EYA1: variants seen among roughly 807,000 people sequenced by gnomAD.
EYA1 encodes EYA transcriptional coactivator and phosphatase 1, also known as protein phosphatase EYA1.
A neutral mutation model predicts 82.0 loss-of-function variants in EYA1; 16 were observed. The ratio of observed to expected loss-of-function variants is 0.20; its 90% CI spans 0.13 to 0.30. The LOEUF is 0.30. Among genes scored for constraint, EYA1 ranks in the 10% least tolerant of loss-of-function variants. The pLI is 1.00. For synonymous variants in EYA1, 261 were observed against 264.4 expected, an observed-to-expected ratio of 0.99 and a Z score of 0.12; for missense variants, 633 against 730.7, an observed-to-expected ratio of 0.87 and a Z score of 1.54.
chr8:71,413,007 G>A (rs1320633910), intron 2 of EYA1, among the ~76,000 whole-genome samples: 1 of 152,176 alleles, frequency 6.6e-6, no homozygotes, highest in African/African-American at 2.4e-5. Context: ...AAGCGGCAGA[G>A]TCAGGCTGAG....
At chr8:71,474,533 C>T (rs1809497898) in intron 2 of EYA1, among the ~76,000 whole-genome samples, 1 of 152,168 alleles carries the variant, frequency 6.6e-6, no homozygotes, top group Admixed American at 6.5e-5. Context: ...TCACAGAATA[C>T]ACACTCTCAA....
At chr8:71,235,436 A>G (rs1811708053) in intron 12 of EYA1, among the ~76,000 whole-genome samples, 1 of 152,078 alleles carries the variant, frequency 6.6e-6, no homozygotes, top group Non-Finnish European at 1.5e-5. Context: ...ACTTCCTACC[A>G]TATCCTTGCA....
At chr8:71,453,821 GA>G (rs1382360108) in intron 2 of EYA1, among the ~76,000 whole-genome samples, 1 of 152,012 alleles carries the variant, frequency 6.6e-6, no homozygotes, top group African/African-American at 2.4e-5. Flanking sequence ...AAAATATGCC[GA>G]ATTGTAAAGA....
At chr8:71,536,131 T>G (rs1814692863) in intron 1 of EYA1, among the ~76,000 whole-genome samples, 1 of 152,206 alleles carries the variant, frequency 6.6e-6, no homozygotes, top group Non-Finnish European at 1.5e-5. Context: ...CTAAAGATCC[T>G]TCCGCACACA....
At chr8:71,335,082 T>G (rs1586426996) in intron 3 of EYA1, among the ~76,000 whole-genome samples, 1 of 152,222 alleles carries the variant, frequency 6.6e-6, no homozygotes, top group Admixed American at 6.5e-5. Context: ...TGAAGTGCCA[T>G]CATCAGAATT....
At chr8:71,316,353 A>T (rs1271555563) in intron 7 of EYA1, among the ~76,000 whole-genome samples, 1 of 152,166 alleles carries the variant, frequency 6.6e-6, no homozygotes, top group Non-Finnish European at 1.5e-5. Context: ...AATAGTAGGG[A>T]ACTAGGTAAA....
At chr8:71,234,754 G>A (rs562445744) in intron 12 of EYA1, among the ~76,000 whole-genome samples, 99 of 151,826 alleles carry the variant, frequency 6.5e-4, no homozygotes, top group African/African-American at 4.4e-4. Flanking sequence ...GTTTTATGGC[G>A]TCGGGACTCC....
In EYA1 at chr8:71,361,758, T is replaced by C. The variant is rs1055591248; in HGVS notation, c.-166A>G. The C allele has an allele frequency of 4.5e-5, 44 of 985,372 alleles. No individual in the cohort carries two copies. Among genetic ancestry groups the C allele is most frequent in the Admixed American group, 6.1e-5 (1 of 16,270 alleles). The allele number at this position is 985,372 out of a possible 1,614,324, so 61.0% of individuals were successfully genotyped here. ...CTCCTGGATGGGTACGCGCGGGGGC[T>C]CTCAGGCGCTCTGGTGCAGCCGCGG... is the stretch of plus-strand genomic sequence containing the variant. On this transcript the variant is annotated 5_prime_UTR_variant, in exon 1 of 18. Transcript: ENST00000340726.
chr8:71,276,418 C>T (rs1408162706), intron 9 of EYA1, among the ~76,000 whole-genome samples: 1 of 152,178 alleles, frequency 6.6e-6, no homozygotes, highest in African/African-American at 2.4e-5. Flanking sequence ...GAGTATCCCA[C>T]TATTTCTAGA....
At chr8:71,511,611 A>G (rs1400051438) in intron 2 of EYA1, among the ~76,000 whole-genome samples, 1 of 152,176 alleles carries the variant, frequency 6.6e-6, no homozygotes, top group African/African-American at 2.4e-5. Context: ...GTGCCACAAC[A>G]CAAAGATAAC....
At chr8:71,525,428 T>C (rs1051531289) in intron 2 of EYA1, among the ~76,000 whole-genome samples, 1 of 152,216 alleles carries the variant, frequency 6.6e-6, no homozygotes, top group Non-Finnish European at 1.5e-5. Context: ...ATTGATCTAA[T>C]TGAATCTAGT....
chr8:71,200,784 T>G (rs1806889772), intron 17 of EYA1, among the ~76,000 whole-genome samples: 1 of 151,776 alleles, frequency 6.6e-6, no homozygotes, highest in Non-Finnish European at 1.5e-5. Context: ...CAGTGTTCAT[T>G]TATATCTTGT....
intron 2 of EYA1, among the ~76,000 whole-genome samples, chr8:71,489,743 C>T (rs550097357): frequency 1.3e-5 from 2 of 152,322 alleles, no homozygotes; most frequent in Admixed American, 6.5e-5. Flanking sequence ...AAAACTTGCA[C>T]ATGATTTGGA....
At chr8:71,433,165 G>T (rs1805750385) in intron 2 of EYA1, among the ~76,000 whole-genome samples, 2 of 152,238 alleles carry the variant, frequency 1.3e-5, no homozygotes, top group Middle Eastern at 6.8e-3. Flanking sequence ...CTGGAAGTAT[G>T]AAAGGTATAT....
chr8:71,373,321 A>G (rs1828188623), intron 2 of EYA1, among the ~76,000 whole-genome samples: 1 of 152,156 alleles, frequency 6.6e-6, no homozygotes, highest in Non-Finnish European at 1.5e-5. Flanking sequence ...TGTAAATATC[A>G]GCTGCATTTT....
At chr8:71,398,067 C>T (rs184536062) in intron 2 of EYA1, among the ~76,000 whole-genome samples, 3 of 152,246 alleles carry the variant, frequency 2.0e-5, no homozygotes, top group Admixed American at 6.5e-5. Context: ...ACCCTGTCTT[C>T]CACTTGATCA....
At chr8:71,540,213 C>T (rs923682723) in intron 1 of EYA1, among the ~76,000 whole-genome samples, 2 of 152,118 alleles carry the variant, frequency 1.3e-5, no homozygotes, top group African/African-American at 4.8e-5. Context: ...CTACAAACAA[C>T]CCCTACTCCT....
upstream of EYA1, among the ~76,000 whole-genome samples, chr8:71,365,343 T>C (rs528055871): frequency 6.6e-6 from 1 of 152,256 alleles, no homozygotes; most frequent in South Asian, 2.1e-4. Context: ...GTTAGAAGCA[T>C]GCATGCTATT....
intron 2 of EYA1, among the ~76,000 whole-genome samples, chr8:71,392,982 T>C (rs2129113014): frequency 6.6e-6 from 1 of 152,298 alleles, no homozygotes; most frequent in East Asian, 1.9e-4. Context: ...CGGTGCACAA[T>C]TGAACAGTTT....
Sources: allele counts gnomAD v4.1 joint callset (sites outside exome capture counted in the v4.1 genomes callset), GRCh38; gene constraint gnomAD v4.1.1; transcripts MANE v1.5; gene names NCBI Gene and HGNC (gene_info 2026-07-23, HGNC 2026-07-21).